The following GAN variants were observed in gnomAD, a reference collection of about 807,000 sequenced individuals.
GAN encodes gigaxonin.
GAN carries 48 observed loss-of-function variants against 71.3 expected under a neutral mutation model. The observed-to-expected ratio is 0.67, with a 90% CI of 0.53 to 0.86. GAN has a LOEUF of 0.86. GAN is among the 40% of genes least tolerant of loss of function. The probability of loss-of-function intolerance (pLI) is 0.00; values close to 1 mark genes in which losing one functional copy is unlikely to be tolerated. For missense variants in GAN, 928 were observed against 770.1 expected, an observed-to-expected ratio of 1.21 and a Z score of -2.43; for synonymous variants, 386 against 276.8, an observed-to-expected ratio of 1.39 and a Z score of -3.92.
At chr16:81,368,819 G>T (rs906207146) in intron 9 of GAN, among the ~76,000 whole-genome samples, 8 of 152,154 alleles carry the variant, frequency 5.3e-5, no homozygotes, top group African/African-American at 1.7e-4. Flanking sequence ...TTTGAAAGAT[G>T]AACCTGACAA....
chr16:81,352,001 T>C (rs1049026695), intron 2 of GAN, among the ~76,000 whole-genome samples: 1 of 152,158 alleles, frequency 6.6e-6, no homozygotes, highest in Non-Finnish European at 1.5e-5. Context: ...CTGCTGTGTT[T>C]TTGGTTTTTG....
chr16:81,322,696 AT>A (rs1909258309), intron 1 of GAN, among the ~76,000 whole-genome samples: 1 of 152,246 alleles, frequency 6.6e-6, no homozygotes, highest in Non-Finnish European at 1.5e-5. Context: ...GACTAGATAT[AT>A]TTTGAAACAT....
At chr16:81,342,504 A>G (rs1043605800) in intron 1 of GAN, among the ~76,000 whole-genome samples, 7 of 152,220 alleles carry the variant, frequency 4.6e-5, no homozygotes, top group African/African-American at 1.7e-4. Flanking sequence ...ACTACATGGA[A>G]ACTGAACAAC....
chr16:81,314,972 G>A lies in GAN; in HGVS notation c.-142G>A. On this transcript the variant is annotated 5_prime_UTR_variant, in exon 1 of 11. Coordinates refer to ENST00000648994, the MANE Select transcript of GAN (RefSeq NM_022041.4). ...GGCCCAGCGCGCCGCGGATAGCACA[G>A]GCACGTCCCGGGGGCTCCAGCTTCT... is the stretch of plus-strand genomic sequence containing the variant. The A allele has an allele frequency of 6.1e-6, 4 of 655,792 alleles. No homozygotes were observed. The highest frequency in any genetic ancestry group is 9.1e-6 in the Non-Finnish European group (4 of 441,766). 40.6% of individuals were successfully genotyped at this position (655,792 alleles called of 1,614,324 possible). A position where few individuals can be genotyped will look rare whatever the true frequency, so the allele number is the denominator to read the frequency against.
intron 1 of GAN, among the ~76,000 whole-genome samples, chr16:81,316,821 T>C (rs1325595202): frequency 6.6e-6 from 1 of 152,186 alleles, no homozygotes; most frequent in Admixed American, 6.5e-5. Flanking sequence ...ACTTTGGTGG[T>C]CTTTCCCAAC....
chr16:81,340,416 G>C (rs970738515), intron 1 of GAN, among the ~76,000 whole-genome samples: 3 of 152,190 alleles, frequency 2.0e-5, no homozygotes, highest in African/African-American at 7.2e-5. Flanking sequence ...TGCCCCTCTG[G>C]GGCGAAGCTT....
chr16:81,376,227 C>A (rs541270915), intron 9 of GAN, among the ~76,000 whole-genome samples: 2 of 151,904 alleles, frequency 1.3e-5, no homozygotes, highest in African/African-American at 4.8e-5. Context: ...ACCATATAGC[C>A]CAGCAATTTC....
rs114960289 is a variant in GAN, at chr16:81,375,499, G to A, written c.1503-1720G>A. 8.4e-3 allele frequency among the ~76,000 whole-genome samples: 1,281 copies of A among 151,808 alleles called. 17 individuals carry two copies. The highest frequency in any genetic ancestry group is 0.029 in the African/African-American group (1,220 of 41,418). Reference sequence around the variant, plus strand: ...ATGCCACCACATTTGGCTAATTTTTGTATTTTTTGTAAAGACAAGGTTTCG... The same window carrying A: ...ATGCCACCACATTTGGCTAATTTTTATATTTTTTGTAAAGACAAGGTTTCG... On this transcript the variant is annotated intron_variant, in intron 9 of 10. Transcript: ENST00000648994.
chr16:81,336,145 G>A (rs1909753435), intron 1 of GAN, among the ~76,000 whole-genome samples: 2 of 152,198 alleles, frequency 1.3e-5, no homozygotes, highest in African/African-American at 4.8e-5. Flanking sequence ...AGCTCATGGA[G>A]CTGTATGGAG....
intron 1 of GAN, among the ~76,000 whole-genome samples, chr16:81,345,902 G>T (rs891441322): frequency 1.3e-5 from 2 of 152,204 alleles, no homozygotes; most frequent in Non-Finnish European, 2.9e-5. Flanking sequence ...TCAGACATTA[G>T]ATTCTCACAA....
chr16:81,367,331 C>T (rs765893709), intron 9 of GAN, among the ~76,000 whole-genome samples: 13 of 151,678 alleles, frequency 8.6e-5, no homozygotes, highest in Non-Finnish European at 1.5e-4. Context: ...AAAACCAGCC[C>T]GGCCAACATG....
Position 81,378,329 on chromosome 16 carries a change from G to T in GAN, c.*733G>T, listed in dbSNP as rs530029543. 6.5e-6 allele frequency: 1 copy of T among 152,866 alleles called. No individual in the cohort carries two copies. The highest frequency in any genetic ancestry group is 6.5e-5 in the Admixed American group (1 of 15,386). The allele number at this position is 152,866 out of a possible 1,614,324, so 9.5% of individuals were successfully genotyped here. On this transcript the variant is annotated 3_prime_UTR_variant, in exon 11 of 11. Coordinates refer to ENST00000648994, the MANE Select transcript of GAN (RefSeq NM_022041.4). ...GTTGACTTAGATCAAGACACGTCAC[G>T]CATCCTTTCTGGGGTAGTACCTGTG...
At chr16:81,329,725 C>G in intron 1 of GAN, among the ~76,000 whole-genome samples, 1 of 152,180 alleles carries the variant, frequency 6.6e-6, no homozygotes, top group East Asian at 1.9e-4. Flanking sequence ...CCATGTTCCT[C>G]ACAGCCTGTT....
At chr16:81,360,434 T>A (rs1175236468) in intron 5 of GAN, among the ~76,000 whole-genome samples, 1 of 152,206 alleles carries the variant, frequency 6.6e-6, no homozygotes, top group Admixed American at 6.5e-5. Context: ...GTCTAAAAAA[T>A]CTCTTCTCTG....
In GAN at chr16:81,384,710, T is replaced by TTGGATGATACTGAAAATCA. The variant is rs1444790760; in HGVS notation, c.*7117_*7135dup. The TTGGATGATACTGAAAATCA allele has an allele frequency of 6.6e-6, 1 of 152,112 alleles. No homozygotes were observed. The highest frequency in any genetic ancestry group is 2.4e-5 in the African/African-American group (1 of 41,418). The allele number at this position is 152,112 out of a possible 1,614,324, so 9.4% of individuals were successfully genotyped here. ...TTGAGGTTGGCAGAACTATATAGAGTTGGATGATACTGAAAATCATGAATG... is the reference window on the plus strand; with the variant it reads ...TTGAGGTTGGCAGAACTATATAGAGTTGGATGATACTGAAAATCATGGATGATACTGAAAATCATGAATG... On this transcript the variant is annotated 3_prime_UTR_variant, in exon 11 of 11. Transcript: ENST00000648994.
intron 1 of GAN, among the ~76,000 whole-genome samples, chr16:81,346,939 C>G (rs1052226307): frequency 4.6e-5 from 7 of 152,102 alleles, no homozygotes; most frequent in African/African-American, 1.7e-4. Context: ...TTAAAAGGAT[C>G]AGATCCATTT....
rs1910506437 is a variant in GAN, at chr16:81,356,916, GC to G, written c.767del (p.Pro256ArgfsTer21). ...KECSNIPLSQ[P>X]QQGEAMLANF... ...AGTGTAGCAATATACCGCTCAGCCA[GC>G]CGCAGCAAGGGGAGGCGATGCTGGC... On this transcript the variant is annotated frameshift_variant, in exon 4 of 11. Transcript: ENST00000648994. LOFTEE classifies it high-confidence loss of function. The G allele has an allele frequency of 6.2e-7, 1 of 1,613,836 alleles. No homozygotes were observed.
In GAN at chr16:81,388,784, C is replaced by G. The variant is rs1339465446; in HGVS notation, c.*11188C>G. On this transcript the variant is annotated 3_prime_UTR_variant, in exon 11 of 11. Coordinates refer to ENST00000648994, the MANE Select transcript of GAN (RefSeq NM_022041.4). The stretch of plus-strand genomic sequence containing the variant: ...CGCAGCCCTTGTTTCCTTCTTTCCT[C>G]TTCAGCTCTGACTTAAAAACACACT... The G allele has an allele frequency of 6.6e-6, 1 of 152,288 alleles. No homozygotes were observed. The highest frequency in any genetic ancestry group is 1.5e-5 in the Non-Finnish European group (1 of 68,064). 9.4% of individuals were successfully genotyped at this position (152,288 alleles called of 1,614,324 possible).
At position 81,389,793 on chromosome 16, in the gene GAN, G is replaced by A. The variant is rs527545046; in HGVS notation, c.*12197G>A. On this transcript the variant is annotated 3_prime_UTR_variant, in exon 11 of 11. Transcript: ENST00000648994. ...CCCTGGCCCAGCAGGTGGCCGGCGT[G>A]GCTCCTGTTGGCTCATGCCAGTGTT... 1 of 152,372 alleles carries A rather than the reference G, an allele frequency of 6.6e-6. No homozygotes were observed. The highest frequency in any genetic ancestry group is 1.9e-4 in the East Asian group (1 of 5,192). 9.4% of individuals were successfully genotyped at this position (152,372 alleles called of 1,614,324 possible). A position where few individuals can be genotyped will look rare whatever the true frequency, so the allele number is the denominator to read the frequency against.
Sources: gnomAD v4.1 joint callset for allele counts (sites outside exome capture counted in the v4.1 genomes callset) on GRCh38, gnomAD v4.1.1 for gene constraint, MANE v1.5 for transcripts, NCBI Gene and HGNC (gene_info 2026-07-23, HGNC 2026-07-21) for gene names.